Variants in SPTLC2 observed in about 807,000 individuals in gnomAD.
The protein encoded by SPTLC2 is serine palmitoyltransferase long chain base subunit 2, also known as serine palmitoyltransferase 2.
Under a neutral mutation model 62.0 loss-of-function variants are expected in SPTLC2, and 21 were observed. That is an observed-to-expected ratio of 0.34 (90% CI 0.24 to 0.49). SPTLC2 has a LOEUF of 0.49. Ranked by LOEUF, SPTLC2 falls within the 20% of genes least tolerant of loss-of-function variation. SPTLC2 has a pLI of 0.99. For synonymous variants in SPTLC2, 261 were observed against 261.8 expected (o/e 1.00, Z 0.03); for missense variants, 511 against 713.0 (o/e 0.72, Z 3.23).
chr14:77,537,367 CTT>C (rs1379634249), intron 9 of SPTLC2, among the ~76,000 whole-genome samples: 3 of 151,280 alleles, frequency 2.0e-5, no homozygotes, highest in South Asian at 2.1e-4. Context: ...TTAATTTGCT[CTT>C]GTTTATAAGT....
rs1400773381 is a variant in SPTLC2 at position 77,570,297 on chromosome 14, A to G, written c.756+87T>C. ...CTAAACTATGTTTAGCCTAAAGTTT[A>G]TAACAGCTTTTAGCTCACTCTGACT... On this transcript the variant is annotated intron_variant, in intron 5 of 11. Transcript: ENST00000216484. The G allele has an allele frequency of 1.4e-5, 21 of 1,545,052 alleles. No individual in the cohort carries two copies. In the Admixed American group the frequency reaches 2.0e-4, roughly 15 times the overall value.
At chr14:77,600,144 G>T (rs1032730962) in intron 1 of SPTLC2, among the ~76,000 whole-genome samples, 1 of 152,154 alleles carries the variant, frequency 6.6e-6, no homozygotes, top group African/African-American at 2.4e-5. Flanking sequence ...GCAGGATCAG[G>T]TCAATTCATA....
At chr14:77,515,648 C>T (rs2079355320) in intron 11 of SPTLC2, among the ~76,000 whole-genome samples, 1 of 148,028 alleles carries the variant, frequency 6.8e-6, no homozygotes, top group South Asian at 2.1e-4. Context: ...CTCCCAGATT[C>T]AAGTGGTTCT....
rs1292058852 is a variant in SPTLC2 at position 77,555,302 on chromosome 14, T to G, written c.1174A>C (p.Lys392Gln). The G allele has an allele frequency of 6.2e-7, 1 of 1,614,130 alleles. No individual in the cohort carries two copies. Among genetic ancestry groups the G allele is most frequent in the East Asian group, 2.2e-5 (1 of 44,876 alleles). The change falls in exon 8 of 12, where the codon AAG (lysine) becomes CAG (glutamine). Residue 392 changes from lysine (K) to glutamine (Q), a missense_variant and splice_region_variant. Transcript: ENST00000216484. ...GCTCATTCTCATGGCTCGTTTACCT[T>G]CTTGCCTCCAATATATCCTCCAGAA... Reference protein sequence around the residue: ...GASGGYIGGKKELIDYLRTHS... With the variant: ...GASGGYIGGKQELIDYLRTHS...
chr14:77,567,736 C>CATT (rs1423938734), intron 5 of SPTLC2, among the ~76,000 whole-genome samples: 1 of 151,946 alleles, frequency 6.6e-6, no homozygotes, highest in Non-Finnish European at 1.5e-5. Context: ...TTTTCTAATT[C>CATT]ATTAATTTTT....
intron 4 of SPTLC2, among the ~76,000 whole-genome samples, chr14:77,570,782 T>C (rs2079677632): frequency 6.6e-6 from 1 of 152,184 alleles, no homozygotes; most frequent in Admixed American, 6.5e-5. Flanking sequence ...TTCCTGTTTG[T>C]GCATACTAGT....
In SPTLC2 at chr14:77,570,417, C is replaced by T. The variant is rs114519796; in HGVS notation, c.723G>A (p.Thr241=). 2,400 of 1,613,612 alleles carry T rather than the reference C, an allele frequency of 1.5e-3. 36 individuals are homozygous for T. In the African/African-American group the frequency reaches 0.026, roughly 18 times the overall value. The change falls in exon 5 of 12, where the codon ACG becomes ACA. Residue 241 remains threonine, a synonymous_variant. Coordinates refer to ENST00000216484, the MANE Select transcript of SPTLC2 (RefSeq NM_004863.4). ...CAAGAGCAGGAATGTTCATTGAATT[C>T]GTTGCAAATCCCATGCCATACGCCA... ...AAMAYGMGFA[T]NSMNIPALVG... is the part of the protein sequence containing the mutation.
At chr14:77,566,714 C>G (rs2079647135) in intron 5 of SPTLC2, among the ~76,000 whole-genome samples, 2 of 152,160 alleles carry the variant, frequency 1.3e-5, no homozygotes, top group East Asian at 3.9e-4. Flanking sequence ...CCCGCCTCGG[C>G]CTCCCAAAGT....
chr14:77,521,470 A>G lies in SPTLC2; in HGVS notation c.1415T>C (p.Met472Thr). 4 of 1,614,204 alleles carry G rather than the reference A, an allele frequency of 2.5e-6. No homozygotes were observed. The highest frequency in any genetic ancestry group is 3.4e-6 in the Non-Finnish European group (4 of 1,180,038). The change falls in exon 10 of 12, where the codon ATG becomes ACG. Residue 472 changes from methionine to threonine, a missense_variant. Met to Thr is a moderately conservative substitution (Grantham distance 81). Coordinates refer to ENST00000216484, the MANE Select transcript of SPTLC2 (RefSeq NM_004863.4). The stretch of plus-strand genomic sequence containing the variant: ...CCCAATTTTGGCAGGCATGTAGAGC[A>G]TCAAAGGCACTACTGGAGAGTCTTC... ...GNEDSPVVPL[M>T]LYMPAKIGAF...
chr14:77,599,281 G>C (rs756652468), intron 1 of SPTLC2, among the ~76,000 whole-genome samples: 3 of 152,124 alleles, frequency 2.0e-5, no homozygotes, highest in African/African-American at 4.8e-5. Context: ...TTTACCAGGG[G>C]CATATCGTCA....
chr14:77,547,463 GTCTC>G (rs923430696), intron 9 of SPTLC2: 3 of 152,120 alleles, frequency 2.0e-5, no homozygotes, highest in Admixed American at 6.6e-5. Context: ...AGGCAGGAAA[GTCTC>G]TCTTTATGAC....
intron 9 of SPTLC2, among the ~76,000 whole-genome samples, chr14:77,545,011 A>G (rs1369433496): frequency 6.6e-6 from 1 of 150,568 alleles, no homozygotes; most frequent in African/African-American, 2.5e-5. Context: ...TCTCTCCCCC[A>G]CTGGAAGACC....
chr14:77,516,543 G>C (rs1000321238), intron 11 of SPTLC2, among the ~76,000 whole-genome samples: 1 of 151,648 alleles, frequency 6.6e-6, no homozygotes, highest in Non-Finnish European at 1.5e-5. Flanking sequence ...GAAATCTCTA[G>C]GTTAAAAAAA....
intron 1 of SPTLC2, among the ~76,000 whole-genome samples, chr14:77,603,241 C>A (rs1419665430): frequency 6.6e-6 from 1 of 152,194 alleles, no homozygotes; most frequent in Non-Finnish European, 1.5e-5. Context: ...ACCTGCCCAG[C>A]TGGTGAATGG....
At chr14:77,536,488 T>G (rs2079471582) in intron 9 of SPTLC2, among the ~76,000 whole-genome samples, 1 of 152,102 alleles carries the variant, frequency 6.6e-6, no homozygotes, top group Admixed American at 6.6e-5. Context: ...AAGCACACAG[T>G]TAAATGTTTT....
At chr14:77,515,071 AT>A (rs2079352145) in intron 11 of SPTLC2, among the ~76,000 whole-genome samples, 2 of 152,238 alleles carry the variant, frequency 1.3e-5, no homozygotes, top group Non-Finnish European at 2.9e-5. Flanking sequence ...CAAATTGGCC[AT>A]AGATGCTTGT....
chr14:77,585,582 A>G (rs1476515968), intron 2 of SPTLC2, among the ~76,000 whole-genome samples: 4 of 152,202 alleles, frequency 2.6e-5, no homozygotes, highest in African/African-American at 9.6e-5. Context: ...ACATGCTTAG[A>G]ACTGTCTCAG....
intron 1 of SPTLC2, among the ~76,000 whole-genome samples, chr14:77,611,785 C>T (rs903481793): frequency 2.6e-5 from 4 of 151,078 alleles, no homozygotes; most frequent in Non-Finnish European, 5.9e-5. Flanking sequence ...GAGATGGCGC[C>T]ACTGCACTCC....
chr14:77,534,941 T>G (rs972750471), intron 9 of SPTLC2, among the ~76,000 whole-genome samples: 1 of 152,150 alleles, frequency 6.6e-6, no homozygotes, highest in Admixed American at 6.6e-5. Context: ...TTCTTTTTTT[T>G]TTTGAGATGG....
Sources: gnomAD v4.1 joint callset for allele counts (sites outside exome capture counted in the v4.1 genomes callset) on GRCh38, gnomAD v4.1.1 for gene constraint, MANE v1.5 for transcripts, NCBI Gene and HGNC (gene_info 2026-07-23, HGNC 2026-07-21) for gene names.